CTNNA2: variants seen among roughly 807,000 people sequenced by gnomAD.
CTNNA2 encodes the protein catenin alpha 2.
Under a neutral mutation model 101.0 loss-of-function variants are expected in CTNNA2, and 42 were observed. The ratio of observed to expected loss-of-function variants is 0.42; its 90% CI spans 0.32 to 0.54. The LOEUF is 0.54. Among genes scored for constraint, CTNNA2 ranks in the 20% least tolerant of loss-of-function variants. The probability of loss-of-function intolerance (pLI) is 0.14; values close to 1 mark genes in which losing one functional copy is unlikely to be tolerated. For synonymous variants in CTNNA2, 450 were observed against 456.4 expected (o/e 0.99, Z 0.18); for missense variants, 871 against 1,223.1 (o/e 0.71, Z 4.29).
intron 7 of CTNNA2, among the ~76,000 whole-genome samples, chr2:80,154,729 G>T (rs1435015788): frequency 1.3e-5 from 2 of 152,188 alleles, no homozygotes; most frequent in Non-Finnish European, 1.5e-5. Context: ...AGCTGCAGGG[G>T]TGAGTCCTAT....
intron 7 of CTNNA2, among the ~76,000 whole-genome samples, chr2:80,175,032 T>C (rs1309179330): frequency 6.6e-6 from 1 of 152,248 alleles, no homozygotes; most frequent in Non-Finnish European, 1.5e-5. Flanking sequence ...ACTCTTGACA[T>C]GACTTTCAAA....
At chr2:80,276,228 A>G (rs1049290228) in intron 7 of CTNNA2, among the ~76,000 whole-genome samples, 3 of 152,186 alleles carry the variant, frequency 2.0e-5, no homozygotes, top group African/African-American at 2.4e-5. Context: ...GTAGTTCTGA[A>G]ACTAACTACC....
chr2:79,269,893 CAG>C (rs987519607), intron 2 of CTNNA2, among the ~76,000 whole-genome samples: 22 of 152,212 alleles, frequency 1.4e-4, no homozygotes, highest in African/African-American at 5.1e-4. Flanking sequence ...GAAATGCTGT[CAG>C]AGAGATAAAT....
intron 7 of CTNNA2, among the ~76,000 whole-genome samples, chr2:80,114,182 A>T (rs1341791296): frequency 6.6e-6 from 1 of 152,340 alleles, no homozygotes; most frequent in East Asian, 1.9e-4. Flanking sequence ...TCCTCAGAGA[A>T]GATGAAAAAT....
At chr2:79,879,334 TTC>T (rs1227352419) in intron 6 of CTNNA2, among the ~76,000 whole-genome samples, 1 of 151,582 alleles carries the variant, frequency 6.6e-6, no homozygotes, top group East Asian at 2.0e-4. Context: ...TTAAAGTAGT[TTC>T]TTTTTCTAAT....
chr2:80,525,521 CA>C (rs1689958921), intron 9 of CTNNA2, among the ~76,000 whole-genome samples: 2 of 151,904 alleles, frequency 1.3e-5, no homozygotes, highest in Admixed American at 6.6e-5. Flanking sequence ...TGGCCTCAGG[CA>C]AAAAAACAAA....
chr2:79,531,047 A>G (rs953483549), intron 1 of CTNNA2, among the ~76,000 whole-genome samples: 5 of 151,854 alleles, frequency 3.3e-5, no homozygotes, highest in African/African-American at 9.7e-5. Context: ...AGAAAAGAAG[A>G]TGTCAGTTAT....
intron 1 of CTNNA2, among the ~76,000 whole-genome samples, chr2:79,543,802 AT>A (rs564526752): frequency 3.0e-4 from 46 of 152,356 alleles, no homozygotes; most frequent in African/African-American, 1.1e-3. Flanking sequence ...CCAAAATTTC[AT>A]TAACACCAAT....
At chr2:79,577,103 T>C (rs896586243) in intron 1 of CTNNA2, among the ~76,000 whole-genome samples, 1 of 152,118 alleles carries the variant, frequency 6.6e-6, no homozygotes, top group Non-Finnish European at 1.5e-5. Flanking sequence ...CATAGTTCAC[T>C]TGCTTAATTC....
intron 7 of CTNNA2, among the ~76,000 whole-genome samples, chr2:80,236,495 C>G (rs1709558193): frequency 6.6e-6 from 1 of 152,128 alleles, no homozygotes; most frequent in Non-Finnish European, 1.5e-5. Context: ...CATCTTGTGC[C>G]TTCTCATTAC....
chr2:79,958,786 T>C (rs4995595), intron 7 of CTNNA2, among the ~76,000 whole-genome samples: 63,531 of 149,374 alleles, frequency 0.43, 13,371 homozygotes, highest in East Asian at 0.58. Flanking sequence ...TTTTTTTTTC[T>C]TTTCATAAGA....
intron 18 of CTNNA2, among the ~76,000 whole-genome samples, chr2:80,624,015 C>T (rs1671414829): frequency 6.6e-6 from 1 of 151,942 alleles, no homozygotes; most frequent in African/African-American, 2.4e-5. Context: ...GCTATTGAAT[C>T]TCCTTGAAAG....
intron 2 of CTNNA2, among the ~76,000 whole-genome samples, chr2:79,236,511 G>A (rs553981101): frequency 2.6e-5 from 4 of 152,254 alleles, no homozygotes; most frequent in South Asian, 2.1e-4. Flanking sequence ...CTTAATGTAT[G>A]CCTATAATGA....
chr2:80,438,081 C>G (rs186463262), intron 9 of CTNNA2, among the ~76,000 whole-genome samples: 10 of 152,310 alleles, frequency 6.6e-5, no homozygotes, highest in African/African-American at 2.2e-4. Context: ...TTTCTCATGG[C>G]TCTGGAAACA....
chr2:79,661,213 G>A (rs1423215524), intron 2 of CTNNA2, among the ~76,000 whole-genome samples: 1 of 152,156 alleles, frequency 6.6e-6, no homozygotes, highest in Non-Finnish European at 1.5e-5. Context: ...CAGTTAACAT[G>A]TGACATCTGC....
chr2:80,473,487 T>C (rs1226233099), intron 9 of CTNNA2, among the ~76,000 whole-genome samples: 3 of 152,172 alleles, frequency 2.0e-5, no homozygotes, highest in Non-Finnish European at 4.4e-5. Flanking sequence ...AAAATGAAAA[T>C]ATACAACCTC....
At chr2:80,453,721 A>T in intron 9 of CTNNA2, among the ~76,000 whole-genome samples, 1 of 152,160 alleles carries the variant, frequency 6.6e-6, no homozygotes, top group East Asian at 1.9e-4. Context: ...GAATGTGAGG[A>T]CAGACAGGGT....
At chr2:79,337,664 T>A (rs1338711504) in intron 3 of CTNNA2, among the ~76,000 whole-genome samples, 1 of 152,222 alleles carries the variant, frequency 6.6e-6, no homozygotes, top group Non-Finnish European at 1.5e-5. Flanking sequence ...ATCTGTAAAA[T>A]GGAAAGTTCA....
At chr2:79,933,458 CT>C (rs371498775) in intron 7 of CTNNA2, among the ~76,000 whole-genome samples, 32,486 of 143,530 alleles carry the variant, frequency 0.23, 4,039 homozygotes, top group African/African-American at 0.36. Context: ...CTGGTATTCT[CT>C]TTTTTTTTTT....
Sources: allele counts gnomAD v4.1 joint callset (sites outside exome capture counted in the v4.1 genomes callset), GRCh38; gene constraint gnomAD v4.1.1; transcripts MANE v1.5; gene names NCBI Gene and HGNC (gene_info 2026-07-23, HGNC 2026-07-21).